The following PCDH9 variants were observed in gnomAD, a reference collection of about 807,000 sequenced individuals.
The protein encoded by PCDH9 is protocadherin-9.
A neutral mutation model predicts 70.6 loss-of-function variants in PCDH9; 24 were observed. The ratio of observed to expected loss-of-function variants is 0.34; its 90% CI spans 0.25 to 0.48. PCDH9 has a LOEUF of 0.48. Among genes scored for constraint, PCDH9 ranks in the 20% least tolerant of loss-of-function variants. PCDH9 has a pLI of 0.99. For missense variants in PCDH9, 1,281 were observed against 1,503.6 expected (o/e 0.85, Z 2.45); for synonymous variants, 562 against 558.5 (o/e 1.01, Z -0.09).
intron 2 of PCDH9, among the ~76,000 whole-genome samples, chr13:66,983,376 C>T (rs1367536836): frequency 6.6e-6 from 1 of 151,930 alleles, no homozygotes; most frequent in African/African-American, 2.4e-5. Flanking sequence ...CTTTGTTCCC[C>T]TTTACTATCC....
chr13:67,035,471 G>A (rs1257495199), intron 2 of PCDH9, among the ~76,000 whole-genome samples: 1 of 151,564 alleles, frequency 6.6e-6, no homozygotes, highest in Non-Finnish European at 1.5e-5. Context: ...ATAACCTAAT[G>A]TTTCTCTTAC....
At chr13:67,081,006 G>C (rs997674388) in intron 2 of PCDH9, among the ~76,000 whole-genome samples, 12 of 152,196 alleles carry the variant, frequency 7.9e-5, no homozygotes, top group African/African-American at 2.9e-4. Context: ...TTAAACTTTT[G>C]CTTATCAAAC....
chr13:66,907,049 TA>T (rs1348283435), intron 2 of PCDH9, among the ~76,000 whole-genome samples: 1 of 151,892 alleles, frequency 6.6e-6, no homozygotes, highest in East Asian at 1.9e-4. Context: ...ACTGAAAATA[TA>T]AAAATTAGCT....
chr13:67,077,735 G>A (rs1259662992), intron 2 of PCDH9, among the ~76,000 whole-genome samples: 1 of 151,428 alleles, frequency 6.6e-6, no homozygotes, highest in East Asian at 1.9e-4. Flanking sequence ...TGATTCTATT[G>A]TCAATCTGTT....
At chr13:66,871,079 T>C (rs976325551) in intron 3 of PCDH9, among the ~76,000 whole-genome samples, 16 of 152,040 alleles carry the variant, frequency 1.1e-4, no homozygotes, top group African/African-American at 3.9e-4. Flanking sequence ...TGAGTTCATG[T>C]CCTTTGTAGG....
At chr13:66,669,041 G>A (rs1274445335) in intron 3 of PCDH9, among the ~76,000 whole-genome samples, 4 of 152,144 alleles carry the variant, frequency 2.6e-5, no homozygotes, top group African/African-American at 9.6e-5. Flanking sequence ...CTTTAAATTT[G>A]ACTTGACCTC....
chr13:66,684,179 T>C (rs2078367125), intron 3 of PCDH9, among the ~76,000 whole-genome samples: 1 of 152,208 alleles, frequency 6.6e-6, no homozygotes, highest in Non-Finnish European at 1.5e-5. Flanking sequence ...AATGACAGTT[T>C]AGTCTAGTTT....
intron 2 of PCDH9, among the ~76,000 whole-genome samples, chr13:67,155,235 A>G (rs2087780912): frequency 6.6e-6 from 1 of 152,208 alleles, no homozygotes; most frequent in South Asian, 2.1e-4. Flanking sequence ...AAGTTATTCC[A>G]GTATCATTTC....
intron 3 of PCDH9, among the ~76,000 whole-genome samples, chr13:66,709,037 A>G (rs1322724472): frequency 6.6e-6 from 1 of 152,220 alleles, no homozygotes. Flanking sequence ...TGAAAGCTTT[A>G]GCCATAAGAT....
chr13:67,099,635 T>C (rs1348878755), intron 2 of PCDH9, among the ~76,000 whole-genome samples: 4 of 152,128 alleles, frequency 2.6e-5, no homozygotes, highest in African/African-American at 9.7e-5. Context: ...TCATCTACAA[T>C]GCATTAGATA....
intron 2 of PCDH9, among the ~76,000 whole-genome samples, chr13:66,928,778 C>T (rs1295965268): frequency 6.6e-6 from 1 of 152,038 alleles, no homozygotes; most frequent in African/African-American, 2.4e-5. Context: ...GTGAGAAATA[C>T]ATTTCTATTT....
rs774320823 is a variant in PCDH9 at position 67,225,601 on chromosome 13, G to T, written c.2840C>A (p.Ala947Asp). The change falls in exon 2 of 5, where the codon GCT (alanine) becomes GAT (aspartate). Residue 947 changes from alanine (A) to aspartate (D), a missense_variant. Ala to Asp is a moderately radical substitution (Grantham distance 126). Coordinates refer to ENST00000377865, the MANE Select transcript of PCDH9 (RefSeq NM_203487.3). Reference sequence around the variant, plus strand: ...TGGAGTGTCTGGTTTGAGATGAAAAGCAGGCTGTGGAGAAGCAGATTTGTA... The same window carrying T: ...TGGAGTGTCTGGTTTGAGATGAAAATCAGGCTGTGGAGAAGCAGATTTGTA... The part of the protein sequence containing the change: ...KHYKSASPQP[A>D]FHLKPDTPVS... 26 of 1,614,048 alleles carry T rather than the reference G, an allele frequency of 1.6e-5. No individual in the cohort carries two copies. The highest frequency in any genetic ancestry group is 2.2e-5 in the South Asian group (2 of 91,090).
intron 4 of PCDH9, among the ~76,000 whole-genome samples, chr13:66,409,915 A>T (rs1358075906): frequency 1.3e-5 from 2 of 152,132 alleles, no homozygotes; most frequent in Non-Finnish European, 2.9e-5. Context: ...GAAAAGTTAA[A>T]CCTGGCAATC....
At chr13:66,585,643 T>C (rs1021837887) in intron 4 of PCDH9, among the ~76,000 whole-genome samples, 8 of 152,172 alleles carry the variant, frequency 5.3e-5, no homozygotes, top group African/African-American at 1.9e-4. Flanking sequence ...TGTCATAAAA[T>C]GAAAATCTAA....
intron 4 of PCDH9, among the ~76,000 whole-genome samples, chr13:66,457,366 T>C (rs10507737): frequency 0.19 from 28,188 of 152,084 alleles, 2,766 homozygotes; most frequent in Non-Finnish European, 0.21. Flanking sequence ...CTACCACCAA[T>C]TGATGAACCA....
At chr13:66,572,374 C>A (rs1268042887) in intron 4 of PCDH9, among the ~76,000 whole-genome samples, 1 of 152,096 alleles carries the variant, frequency 6.6e-6, no homozygotes, top group Non-Finnish European at 1.5e-5. Flanking sequence ...TTATCCTCCC[C>A]TCCTCAGTCA....
intron 3 of PCDH9, among the ~76,000 whole-genome samples, chr13:66,689,770 T>A (rs555477493): frequency 4.0e-4 from 61 of 152,302 alleles, no homozygotes; most frequent in African/African-American, 1.5e-3. Flanking sequence ...TCATTCTTTA[T>A]AATCTGATCA....
chr13:67,017,295 A>G lies in PCDH9; in HGVS notation c.3037-113690T>C, dbSNP rs577694884. Among the ~76,000 whole-genome samples, 75 of 152,348 alleles carry G rather than the reference A, an allele frequency of 4.9e-4. 1 individual carries two copies. Among genetic ancestry groups the G allele is most frequent in the Non-Finnish European group, 9.0e-4 (61 of 68,026 alleles). On this transcript the variant is annotated intron_variant, in intron 2 of 4. Transcript: ENST00000377865. ...AAAAATGCAATTTAAACAACACAAT[A>G]CATTTCAGATTTCTGAACGTTCATT...
intron 2 of PCDH9, among the ~76,000 whole-genome samples, chr13:66,966,554 G>T (rs1320362096): frequency 6.6e-6 from 1 of 152,078 alleles, no homozygotes; most frequent in Non-Finnish European, 1.5e-5. Flanking sequence ...CCTAGAAAGA[G>T]TAGAAGTGAC....
Sources: gnomAD v4.1 joint callset for allele counts (sites outside exome capture counted in the v4.1 genomes callset) on GRCh38, gnomAD v4.1.1 for gene constraint, MANE v1.5 for transcripts, NCBI Gene and HGNC (gene_info 2026-07-23, HGNC 2026-07-21) for gene names.